RBFOX2: variants seen among roughly 807,000 people sequenced by gnomAD.
The protein encoded by RBFOX2 is RNA binding protein fox-1 homolog 2.
RBFOX2 carries 10 observed loss-of-function variants against 49.1 expected under a neutral mutation model. That is an observed-to-expected ratio of 0.20 (90% CI 0.13 to 0.35). The LOEUF (loss-of-function observed/expected upper bound fraction) is 0.35. Among genes scored for constraint, RBFOX2 ranks in the 10% least tolerant of loss-of-function variants. RBFOX2 has a pLI of 1.00. For synonymous variants in RBFOX2, 183 were observed against 187.4 expected (o/e 0.98, Z 0.19); for missense variants, 323 against 486.9 (o/e 0.66, Z 3.17).
intron 1 of RBFOX2, among the ~76,000 whole-genome samples, chr22:35,896,822 T>A (rs1368687115): frequency 6.6e-6 from 1 of 152,170 alleles, no homozygotes; most frequent in African/African-American, 2.4e-5. Context: ...ACATTTCTAG[T>A]ACAAAAGAGG....
chr22:35,850,034 G>A (rs9622294), intron 1 of RBFOX2, among the ~76,000 whole-genome samples: 3,667 of 152,072 alleles, frequency 0.024, 157 homozygotes, highest in African/African-American at 0.083. Flanking sequence ...GTATCCAGGA[G>A]CCAAAATAAT....
intron 5 of RBFOX2, among the ~76,000 whole-genome samples, chr22:35,768,054 A>C (rs1347749010): frequency 1.3e-5 from 2 of 152,060 alleles, no homozygotes; most frequent in Admixed American, 6.6e-5. Flanking sequence ...ACCCCCAAAC[A>C]ACCAATAAAT....
At chr22:35,767,719 C>A (rs1341008502) in intron 5 of RBFOX2, among the ~76,000 whole-genome samples, 1 of 152,034 alleles carries the variant, frequency 6.6e-6, no homozygotes, top group African/African-American at 2.4e-5. Flanking sequence ...AAAAACTACA[C>A]GAGTTTTGGA....
intron 1 of RBFOX2, among the ~76,000 whole-genome samples, chr22:36,001,916 T>C (rs1460943444): frequency 6.6e-6 from 1 of 151,858 alleles, no homozygotes; most frequent in Non-Finnish European, 1.5e-5. Flanking sequence ...ATACAAAAAT[T>C]AGCCAGGCGT....
chr22:35,817,851 A>C (rs1953500914), intron 1 of RBFOX2, among the ~76,000 whole-genome samples: 1 of 152,242 alleles, frequency 6.6e-6, no homozygotes, highest in Non-Finnish European at 1.5e-5. Flanking sequence ...CCTTGCTTAG[A>C]ATACCAATAA....
intron 6 of RBFOX2, among the ~76,000 whole-genome samples, chr22:35,762,407 C>A (rs1939221747): frequency 1.3e-5 from 2 of 151,750 alleles, no homozygotes; most frequent in Admixed American, 1.3e-4. Context: ...TATATATTTT[C>A]TGACTCATTT....
intron 2 of RBFOX2, among the ~76,000 whole-genome samples, chr22:35,804,724 T>C (rs1416543619): frequency 1.3e-5 from 2 of 152,110 alleles, no homozygotes; most frequent in Non-Finnish European, 2.9e-5. Context: ...AAAACAGTAT[T>C]TGTTTCCAGC....
At chr22:35,817,009 T>C (rs978564719) in intron 1 of RBFOX2, among the ~76,000 whole-genome samples, 6 of 152,172 alleles carry the variant, frequency 3.9e-5, no homozygotes, top group Admixed American at 3.9e-4. Flanking sequence ...ATTCAGTGGG[T>C]TGGAACAGGA....
rs117780553 is a variant in RBFOX2 at position 35,886,831 on chromosome 22, C to T, written c.-34+52016G>A. On this transcript the variant is annotated intron_variant, in intron 1 of 13. Transcript: ENST00000359369. ...ACCTGAAACGTCTTTATGTGGTACA[C>T]GACTGTACAGTTTTCCAGAACCAAG... Among the ~76,000 whole-genome samples, 1,368 of 152,246 alleles carry T rather than the reference C, an allele frequency of 9.0e-3. 14 individuals are homozygous for T. Among genetic ancestry groups the T allele is most frequent in the Non-Finnish European group, 0.013 (881 of 68,032 alleles).
chr22:36,002,828 G>T (rs1447762405), intron 1 of RBFOX2, among the ~76,000 whole-genome samples: 1 of 152,262 alleles, frequency 6.6e-6, no homozygotes, highest in East Asian at 1.9e-4. Context: ...GTTTCGCCAT[G>T]TGGGCCAGGC....
At chr22:35,844,752 C>A (rs897558873), upstream of RBFOX2, among the ~76,000 whole-genome samples, 1 of 151,520 alleles carries the variant, frequency 6.6e-6, no homozygotes, top group Non-Finnish European at 1.5e-5. Flanking sequence ...GTGATCCAAC[C>A]GTCTTGGCCT....
chr22:35,948,679 T>C (rs900003989), intron 1 of RBFOX2, among the ~76,000 whole-genome samples: 4 of 151,954 alleles, frequency 2.6e-5, no homozygotes, highest in Non-Finnish European at 5.9e-5. Context: ...AGTGAGACTG[T>C]CTCAAAAAAA....
At chr22:36,010,859 G>A (rs1042696120) in intron 1 of RBFOX2, among the ~76,000 whole-genome samples, 3 of 151,908 alleles carry the variant, frequency 2.0e-5, no homozygotes, top group Non-Finnish European at 4.4e-5. Flanking sequence ...CATACCCTAG[G>A]GAAGAAGAGC....
At chr22:35,953,210 CAAAAAAAAAAA>C (rs34387129) in intron 1 of RBFOX2, among the ~76,000 whole-genome samples, 8 of 22,424 alleles carry the variant, frequency 3.6e-4, no homozygotes, top group East Asian at 1.4e-3. Flanking sequence ...GACTCCATCT[CAAAAAAAAAAA>C]AAAAAAAAAA....
intron 1 of RBFOX2, chr22:35,994,414 TTTA>T (rs1429157516): frequency 7.7e-6 from 1 of 129,268 alleles, no homozygotes; most frequent in Admixed American, 7.2e-5. Flanking sequence ...TATTTATTTA[TTTA>T]TTTTTTGAGA....
chr22:35,812,604 C>T (rs561476601), intron 1 of RBFOX2, among the ~76,000 whole-genome samples: 89 of 152,306 alleles, frequency 5.8e-4, no homozygotes, highest in South Asian at 2.5e-3. Context: ...TTCAGGTGGA[C>T]TGGTGAATGA....
chr22:35,855,310 T>C (rs1263415203), intron 1 of RBFOX2, among the ~76,000 whole-genome samples: 1 of 152,214 alleles, frequency 6.6e-6, no homozygotes, highest in South Asian at 2.1e-4. Context: ...TTTATAGTAT[T>C]AAAGTTCATG....
chr22:35,814,108 C>T (rs546251079), intron 1 of RBFOX2, among the ~76,000 whole-genome samples: 8 of 152,194 alleles, frequency 5.3e-5, no homozygotes, highest in South Asian at 2.1e-4. Flanking sequence ...GTAACAGAGG[C>T]GATACATATT....
intron 1 of RBFOX2, among the ~76,000 whole-genome samples, chr22:35,812,665 A>G (rs1417086157): frequency 2.6e-5 from 4 of 152,230 alleles, no homozygotes; most frequent in Non-Finnish European, 2.9e-5. Flanking sequence ...CATAAATATA[A>G]TCTCACAGGA....
Sources: gnomAD v4.1 joint callset for allele counts (sites outside exome capture counted in the v4.1 genomes callset) on GRCh38, gnomAD v4.1.1 for gene constraint, MANE v1.5 for transcripts, NCBI Gene and HGNC (gene_info 2026-07-23, HGNC 2026-07-21) for gene names.